Variants in ARMCX4 observed in about 807,000 individuals in gnomAD.
The protein encoded by ARMCX4 is armadillo repeat-containing X-linked protein 4.
In ARMCX4, 3 loss-of-function variants were observed where a neutral mutation model predicts 34.7. The observed-to-expected ratio is 0.09, with a 90% CI of 0.04 to 0.22. ARMCX4 has a LOEUF of 0.22. Ranked by LOEUF, ARMCX4 falls within the 10% of genes least tolerant of loss-of-function variation. ARMCX4 has a pLI of 1.00. For missense variants in ARMCX4, 1,448 were observed against 1,720.8 expected (o/e 0.84, Z 2.81); for synonymous variants, 513 against 632.8 (o/e 0.81, Z 2.84).
downstream of ARMCX4, chrX:101,498,107 C>T (rs1293504202): frequency 9.2e-6 from 3 of 325,111 alleles, no homozygotes; most frequent in Non-Finnish European, 1.2e-5. Context: ...TAACTCCTCC[C>T]TCTGTCCAAT....
At chrX:101,438,469 G>A (rs1555995699) in intron 2 of ARMCX4, among the ~76,000 whole-genome samples, 1 of 111,073 alleles carries the variant, frequency 9.0e-6, no homozygotes, top group Admixed American at 9.6e-5. Context: ...GGAGGCTGAG[G>A]CAGGAGAATG....
At chrX:101,429,690 G>A (rs1403058743) in intron 2 of ARMCX4, among the ~76,000 whole-genome samples, 2 of 111,157 alleles carry the variant, frequency 1.8e-5, no homozygotes, top group Non-Finnish European at 3.8e-5. Context: ...GCCTGCCATC[G>A]AGAGGCCACT....
Position 101,477,430 on chromosome X carries a change from CAAAAAAAAAAAAAAAA to C in ARMCX4, c.-472-8573_-472-8558del, listed in dbSNP as rs1156582627. 8.8e-4 allele frequency among the ~76,000 whole-genome samples: 11 copies of C among 12,491 alleles called. No homozygotes were observed. In the East Asian group the frequency reaches 0.028, roughly 32 times the overall value. 10.8% of individuals were successfully genotyped at this position (12,491 alleles called of 115,157 possible). A position where few individuals can be genotyped will look rare whatever the true frequency, so the allele number is the denominator to read the frequency against. ...TGGGTGACAGAGCGAGACTCTGTCT[CAAAAAAAAAAAAAAAA>C]AAAAAAAAAAAAAAAAAAATCTTAC... On this transcript the variant is annotated intron_variant and NMD_transcript_variant, in intron 4 of 15. Coordinates refer to the ARMCX4 transcript ENST00000433011.
In ARMCX4 at chrX:101,466,367, A is replaced by C. The variant is rs782403989; in HGVS notation, c.-472-19656A>C. Among the ~76,000 whole-genome samples the C allele has an allele frequency of 1.4e-3, 155 of 111,794 alleles. 1 individual carries two copies. Among genetic ancestry groups the C allele is most frequent in the African/African-American group, 4.4e-3 (137 of 30,850 alleles). ...AAACATACACTTCCCATGTGACTCA[A>C]CAATCCCACTCCTCAGTATTTACCC... On this transcript the variant is annotated intron_variant and NMD_transcript_variant, in intron 4 of 15. Transcript: ENST00000433011.
At chrX:101,526,954 C>A (rs1556020728) in intron 11 of ARMCX4, among the ~76,000 whole-genome samples, 1 of 111,686 alleles carries the variant, frequency 9.0e-6, no homozygotes, top group Non-Finnish European at 1.9e-5. Context: ...ATATCCAGGA[C>A]TTGAACTCAG....
At chrX:101,451,805 G>GT (rs1177570657), downstream of ARMCX4, among the ~76,000 whole-genome samples, 2 of 112,312 alleles carry the variant, frequency 1.8e-5, no homozygotes, top group Non-Finnish European at 1.9e-5. Flanking sequence ...AGAATGTAAT[G>GT]TTTTTTCTCT....
intron 11 of ARMCX4, among the ~76,000 whole-genome samples, chrX:101,512,871 T>TAGAG (rs1356214173): frequency 5.5e-5 from 4 of 72,395 alleles, no homozygotes; most frequent in African/African-American, 2.1e-4. Context: ...TATATATATG[T>TAGAG]AGAGAGAGAG....
intron 11 of ARMCX4, among the ~76,000 whole-genome samples, chrX:101,515,535 A>ATCTCTTTCTCTCTTTC (rs200631376): frequency 2.7e-5 from 2 of 73,720 alleles, no homozygotes; most frequent in African/African-American, 1.1e-4. Context: ...TTCTCTCTTT[A>ATCTCTTTCTCTCTTTC]TCTCTTTCTC....
chrX:101,447,308 G>A (rs147404387), downstream of ARMCX4, among the ~76,000 whole-genome samples: 464 of 112,402 alleles, frequency 4.1e-3, 2 homozygotes, highest in Non-Finnish European at 5.4e-3. Flanking sequence ...AATAATTGTG[G>A]ACATCTTTTT....
chrX:101,448,454 C>G (rs1042598126), downstream of ARMCX4, among the ~76,000 whole-genome samples: 1 of 112,374 alleles, frequency 8.9e-6, no homozygotes, highest in Non-Finnish European at 1.9e-5. Context: ...AATTTACATT[C>G]CCACCAACAG....
At chrX:101,481,943 T>A (rs1288872002), upstream of ARMCX4, among the ~76,000 whole-genome samples, 2 of 111,313 alleles carry the variant, frequency 1.8e-5, no homozygotes, top group Non-Finnish European at 3.8e-5. Flanking sequence ...GTATGTTAAT[T>A]ATGATCCTGG....
chrX:101,478,210 C>T (rs145216578), intron 4 of ARMCX4, among the ~76,000 whole-genome samples: 4,631 of 111,952 alleles, frequency 0.041, 79 homozygotes, highest in Middle Eastern at 0.07. Flanking sequence ...CTGTCATTTA[C>T]AGACAATATA....
intron 4 of ARMCX4, among the ~76,000 whole-genome samples, chrX:101,457,766 G>A (rs997120076): frequency 9.1e-6 from 1 of 109,418 alleles, no homozygotes; most frequent in African/African-American, 3.3e-5. Context: ...TTTTTTAGAC[G>A]GAGTCTCACT....
intron 11 of ARMCX4, among the ~76,000 whole-genome samples, chrX:101,527,600 G>A (rs1281435783): frequency 5.4e-5 from 6 of 110,988 alleles, no homozygotes; most frequent in African/African-American, 1.6e-4. Flanking sequence ...TAATAAAGAA[G>A]AAAAGAGAGA....
At chrX:101,458,517 C>CCT (rs1388091413) in intron 4 of ARMCX4, among the ~76,000 whole-genome samples, 11 of 103,103 alleles carry the variant, frequency 1.1e-4, no homozygotes, top group South Asian at 4.6e-4. Flanking sequence ...TATCCCCCCC[C>CCT]TTTTTTTTTT....
intron 2 of ARMCX4, among the ~76,000 whole-genome samples, chrX:101,427,480 C>A (rs1239254397): frequency 1.8e-5 from 2 of 110,362 alleles, no homozygotes; most frequent in Non-Finnish European, 3.8e-5. Flanking sequence ...CAGGTTCAAG[C>A]AATTCTCCTG....
chrX:101,512,146 C>T (rs1329550487), intron 11 of ARMCX4, among the ~76,000 whole-genome samples: 1 of 111,112 alleles, frequency 9.0e-6, no homozygotes, highest in Non-Finnish European at 1.9e-5. Flanking sequence ...CTTCGGGAGG[C>T]TGAGGTGGAT....
At chrX:101,529,273 T>C (rs1935061200) in intron 11 of ARMCX4, among the ~76,000 whole-genome samples, 1 of 111,818 alleles carries the variant, frequency 8.9e-6, no homozygotes, top group Non-Finnish European at 1.9e-5. Flanking sequence ...GAAAACTGGC[T>C]AGCCATATGT....
chrX:101,442,095 G>A (rs1425873143), intron 2 of ARMCX4, among the ~76,000 whole-genome samples: 2 of 112,382 alleles, frequency 1.8e-5, no homozygotes, highest in African/African-American at 6.5e-5. Flanking sequence ...AATCCTATGT[G>A]TAAGCATGGT....
Sources: allele counts gnomAD v4.1 joint callset (sites outside exome capture counted in the v4.1 genomes callset), GRCh38; gene constraint gnomAD v4.1.1; transcripts MANE v1.5; gene names NCBI Gene and HGNC (gene_info 2026-07-23, HGNC 2026-07-21).